Variants in GTPBP6 observed in about 807,000 individuals in gnomAD.
GTPBP6 encodes GTP binding protein 6.
In GTPBP6, 33 loss-of-function variants were observed where a neutral mutation model predicts 28.9. That is an observed-to-expected ratio of 1.14 (90% CI 0.87 to 1.53). The LOEUF (loss-of-function observed/expected upper bound fraction) is 1.53, where lower values mean the gene tolerates loss of function less well. Among genes scored for constraint, GTPBP6 ranks in the 40% most tolerant of loss-of-function variants. The probability of loss-of-function intolerance (pLI) is 0.00; values close to 1 mark genes in which losing one functional copy is unlikely to be tolerated. For missense variants in GTPBP6, 507 were observed against 408.3 expected (o/e 1.24, Z -2.08); for synonymous variants, 231 against 192.7 (o/e 1.20, Z -1.65).
At chrX:314,208 C>G (rs1285636125) in exon 5 of GTPBP6, 4 of 1,613,226 alleles carry the variant, frequency 2.5e-6, no homozygotes, top group Admixed American at 1.7e-5. Context: ...CGTCCCTTTT[C>G]AAGTTCGACC....
At chrX:318,557 G>C (rs1464802344) in exon 1 of GTPBP6, 17 of 398,272 alleles carry the variant, frequency 4.3e-5, no homozygotes, top group African/African-American at 3.3e-4. Context: ...CGGCGTTCTC[G>C]TCCGCATCTT....
At chrX:316,783 G>A (rs1205989950) in intron 2 of GTPBP6, 131 bp downstream of exon 2, 4 of 398,072 alleles carry the variant, frequency 1.0e-5, no homozygotes, top group Non-Finnish European at 1.8e-5. Context: ...AGCTCACCTG[G>A]GCAATCCGAG....
chrX:307,932 C>G, intron 7 of GTPBP6, 52 bp from the exon 8 acceptor site: 1 of 1,424,240 alleles, frequency 7.0e-7, no homozygotes, highest in Non-Finnish European at 9.2e-7. Flanking sequence ...TCCCTGACCC[C>G]AAGCTTGCAG....
Position 311,478 on chromosome X carries a change from G to A in GTPBP6, c.1066C>T (p.Gln356Ter), listed in dbSNP as rs1250271766. The A allele has an allele frequency of 6.2e-7, 1 of 1,612,222 alleles. No individual in the cohort carries two copies. Among genetic ancestry groups the A allele is most frequent in the Non-Finnish European group, 8.5e-7 (1 of 1,179,562 alleles). Residue 356 changes from glutamine (Q) to a stop codon, truncating the protein, a stop_gained, in exon 7 of 10, where the codon CAG becomes TAG. Transcript: ENST00000326153. LOFTEE classifies it high-confidence loss of function. ...GACTCGATGAGGCCGTGCGGCAGCT[G>A]GGAGAGGAAGCCGATGGTGTCCACG... is the stretch of plus-strand genomic sequence containing the variant.
At chrX:311,947 G>A (rs2070309926) in intron 6 of GTPBP6, 2 of 573,838 alleles carry the variant, frequency 3.5e-6, no homozygotes, top group South Asian at 1.9e-5. Flanking sequence ...GTGGGATGGT[G>A]TAGGTGGGGT....
exon 8 of GTPBP6, chrX:307,783 G>C: frequency 1.3e-6 from 2 of 1,539,864 alleles, no homozygotes; most frequent in South Asian, 2.5e-5. Flanking sequence ...GTCCAGGAGC[G>C]GGGCGGGCAG....
At chrX:306,767 T>C (rs1425741671) in intron 9 of GTPBP6, among the ~76,000 whole-genome samples, 3 of 151,364 alleles carry the variant, frequency 2.0e-5, no homozygotes, top group South Asian at 2.1e-4. Flanking sequence ...ACCTGTTGTA[T>C]GGTCAGAAAT....
At chrX:305,704 A>G (rs939266480) in intron 9 of GTPBP6, among the ~76,000 whole-genome samples, 2 of 148,456 alleles carry the variant, frequency 1.3e-5, no homozygotes, top group African/African-American at 5.1e-5. Context: ...GGCTCACTGC[A>G]ACCTCGGCCT....
rs758545719 is a variant in GTPBP6 at position 307,724 on chromosome X, G to A, written c.1274+8C>T. 8.8e-6 allele frequency: 13 copies of A among 1,470,778 alleles called. No individual in the cohort carries two copies. Among genetic ancestry groups the A allele is most frequent in the Middle Eastern group, 2.5e-4 (1 of 3,968 alleles). 91.1% of individuals were successfully genotyped at this position (1,470,778 alleles called of 1,614,324 possible). ...GGAGACGCTTGCGGACCCCAGGGCC[G>A]GACTCACCCGGGCACGAGGTCCACC... On this transcript the variant is annotated splice_region_variant and intron_variant, in intron 8 of 9. Transcript: ENST00000326153.
intron 6 of GTPBP6, 191 bp from the exon 7 acceptor site, chrX:311,818 G>C: frequency 1.6e-6 from 1 of 620,122 alleles, no homozygotes; most frequent in East Asian, 2.7e-5. Flanking sequence ...CGCTGTTCTC[G>C]GGCCGATGGA....
intron 9 of GTPBP6, among the ~76,000 whole-genome samples, chrX:305,533 G>A (rs2070141630): frequency 1.3e-5 from 2 of 151,132 alleles, no homozygotes; most frequent in Admixed American, 6.6e-5. Flanking sequence ...GTGTTAGCCA[G>A]GATGGTCTCG....
At chrX:314,069 C>G (rs1416982688) in intron 5 of GTPBP6, 81 bp downstream of exon 5, 3 of 1,098,962 alleles carry the variant, frequency 2.7e-6, no homozygotes, top group African/African-American at 1.5e-5. Context: ...CTGTTGGAAT[C>G]TTCCAGGGCT....
chrX:310,677 G>A (rs1194823770), intron 7 of GTPBP6, among the ~76,000 whole-genome samples: 7 of 151,556 alleles, frequency 4.6e-5, no homozygotes, highest in South Asian at 4.2e-4. Context: ...GGAGTGATGC[G>A]GCCTCAAGCC....
intron 7 of GTPBP6, among the ~76,000 whole-genome samples, chrX:308,557 G>T (rs995667357): frequency 2.6e-5 from 4 of 152,014 alleles, no homozygotes; most frequent in Non-Finnish European, 5.9e-5. Flanking sequence ...GTGCGTGTCT[G>T]TGGTCTCAGC....
chrX:313,305 A>G (rs1193289258), intron 5 of GTPBP6, among the ~76,000 whole-genome samples: 1 of 152,204 alleles, frequency 6.6e-6, no homozygotes, highest in East Asian at 1.9e-4. Flanking sequence ...ATTTGGAAAT[A>G]TGGTCTTTGT....
chrX:316,811 GC>G (rs1410792292), intron 2 of GTPBP6, 102 bp downstream of exon 2: 4 of 398,876 alleles, frequency 1.0e-5, no homozygotes, highest in Non-Finnish European at 1.8e-5. Flanking sequence ...TTCCCCTCTG[GC>G]CCCGCAAGAC....
intron 8 of GTPBP6, 28 bp from the exon 9 acceptor site, chrX:307,540 C>T (rs754104608): frequency 2.6e-5 from 42 of 1,607,220 alleles, no homozygotes; most frequent in African/African-American, 6.7e-5. Flanking sequence ...TCACAGGCCC[C>T]GCTCAGCGTC....
intron 7 of GTPBP6, 84 bp downstream of exon 7, chrX:311,335 A>C (rs1193435357): frequency 1.4e-4 from 101 of 712,506 alleles, no homozygotes; most frequent in African/African-American, 4.5e-4. Context: ...CGAGGGCCCG[A>C]CCCCTGGCTG....
chrX:307,975 C>T, intron 7 of GTPBP6, 95 bp from the exon 8 acceptor site: 3 of 1,125,976 alleles, frequency 2.7e-6, no homozygotes, highest in African/African-American at 1.6e-5. Context: ...CACGAGCTCC[C>T]AACGACAGGC....
Sources: gnomAD v4.1 joint callset for allele counts (sites outside exome capture counted in the v4.1 genomes callset) on GRCh38, gnomAD v4.1.1 for gene constraint, MANE v1.5 for transcripts, NCBI Gene and HGNC (gene_info 2026-07-23, HGNC 2026-07-21) for gene names.